Variants in ACBD6 observed in about 807,000 individuals in gnomAD.
ACBD6 encodes the protein acyl-CoA-binding domain-containing protein 6.
Under a neutral mutation model 37.2 loss-of-function variants are expected in ACBD6, and 28 were observed. That is an observed-to-expected ratio of 0.75 (90% CI 0.56 to 1.03). The LOEUF is 1.03. Ranked by LOEUF, ACBD6 falls within the 50% of genes least tolerant of loss-of-function variation. The pLI, the probability that ACBD6 is intolerant of heterozygous loss-of-function variation, is 0.00. For missense variants in ACBD6, 340 were observed against 337.4 expected (o/e 1.01, Z -0.06); for synonymous variants, 113 against 126.8 (o/e 0.89, Z 0.73).
chr1:180,288,060 A>T (rs997695512), downstream of ACBD6, among the ~76,000 whole-genome samples: 1 of 152,204 alleles, frequency 6.6e-6, no homozygotes, highest in South Asian at 2.1e-4. Flanking sequence ...GCCATGTTTA[A>T]TATTGTGAAA....
intron 6 of ACBD6, among the ~76,000 whole-genome samples, chr1:180,331,637 CA>C (rs1651483149): frequency 6.6e-6 from 1 of 152,064 alleles, no homozygotes; most frequent in Non-Finnish European, 1.5e-5. Flanking sequence ...TTGTTTAAAC[CA>C]GGGGGATCTG....
At chr1:180,457,437 G>A (rs1479287822) in intron 3 of ACBD6, among the ~76,000 whole-genome samples, 3 of 152,146 alleles carry the variant, frequency 2.0e-5, no homozygotes, top group Non-Finnish European at 4.4e-5. Flanking sequence ...ATAGTCCTAC[G>A]GGGAGAAACG....
At chr1:180,488,062 C>T (rs1651344496) in intron 3 of ACBD6, among the ~76,000 whole-genome samples, 1 of 152,056 alleles carries the variant, frequency 6.6e-6, no homozygotes, top group African/African-American at 2.4e-5. Context: ...ATGTCTCCAA[C>T]TTATCTCAAA....
At chr1:180,418,335 TG>T (rs1042773018) in intron 4 of ACBD6, among the ~76,000 whole-genome samples, 4 of 151,938 alleles carry the variant, frequency 2.6e-5, no homozygotes, top group African/African-American at 9.7e-5. Flanking sequence ...CCCAGCACTT[TG>T]GGAGGTCAAG....
At chr1:180,300,808 C>A (rs1650102753) in intron 7 of ACBD6, among the ~76,000 whole-genome samples, 1 of 152,164 alleles carries the variant, frequency 6.6e-6, no homozygotes, top group African/African-American at 2.4e-5. Context: ...TATACATTTA[C>A]TCCCAAGTAC....
intron 6 of ACBD6, among the ~76,000 whole-genome samples, chr1:180,363,381 G>A (rs1003160497): frequency 6.6e-6 from 1 of 152,150 alleles, no homozygotes; most frequent in Admixed American, 6.5e-5. Context: ...TGAGCTAAGT[G>A]AAAATGAAAT....
intron 4 of ACBD6, among the ~76,000 whole-genome samples, chr1:180,414,600 G>C (rs951452671): frequency 4.6e-5 from 7 of 152,138 alleles, no homozygotes; most frequent in African/African-American, 1.7e-4. Context: ...CAGATAAAAG[G>C]CTAAGCAAGA....
intron 4 of ACBD6, among the ~76,000 whole-genome samples, chr1:180,423,710 T>G (rs1648466655): frequency 6.6e-6 from 1 of 152,168 alleles, no homozygotes; most frequent in African/African-American, 2.4e-5. Flanking sequence ...AAAATGTATT[T>G]TCACCCCTTA....
At chr1:180,477,605 T>C (rs1464155434) in intron 3 of ACBD6, among the ~76,000 whole-genome samples, 2 of 152,140 alleles carry the variant, frequency 1.3e-5, no homozygotes, top group Non-Finnish European at 2.9e-5. Context: ...AATAATCTCC[T>C]TATAATTTAA....
At chr1:180,300,726 T>C (rs1650097096) in intron 7 of ACBD6, among the ~76,000 whole-genome samples, 1 of 152,168 alleles carries the variant, frequency 6.6e-6, no homozygotes, top group South Asian at 2.1e-4. Context: ...GAATCAGGGA[T>C]AATTTTTATT....
intron 5 of ACBD6, among the ~76,000 whole-genome samples, chr1:180,404,811 G>A (rs1313820303): frequency 1.3e-5 from 2 of 152,072 alleles, no homozygotes; most frequent in Non-Finnish European, 2.9e-5. Flanking sequence ...TGATTAAAAT[G>A]ATACATTTTA....
chr1:180,435,593 A>T lies in ACBD6; in HGVS notation c.385-5331T>A, dbSNP rs141542969. ...TGCAAAGTCCCGAGTAACCCAGAGC[A>T]ACTTTGCAGTTGGCTACAAGACTTA... On this transcript the variant is annotated intron_variant, in intron 3 of 7. Transcript: ENST00000367595. 4.5e-4 allele frequency: 486 copies of T among 1,083,280 alleles called. 2 individuals carry two copies. Among genetic ancestry groups the T allele is most frequent in the Non-Finnish European group, 6.0e-4 (431 of 714,868 alleles). 67.1% of individuals were successfully genotyped at this position (1,083,280 alleles called of 1,614,324 possible).
chr1:180,449,586 T>G (rs1649616805), intron 3 of ACBD6, among the ~76,000 whole-genome samples: 1 of 152,002 alleles, frequency 6.6e-6, no homozygotes, highest in South Asian at 2.1e-4. Context: ...TTTTGTATTT[T>G]CAGTAGCGAC....
intron 7 of ACBD6, among the ~76,000 whole-genome samples, chr1:180,302,224 G>A (rs2149284321): frequency 6.6e-6 from 1 of 152,152 alleles, no homozygotes; most frequent in African/African-American, 2.4e-5. Context: ...GATGGTAAAT[G>A]ATGAAATAGA....
At chr1:180,277,992 T>TATC (rs1467068949) in intron 9 of ACBD6, 2 of 152,184 alleles carry the variant, frequency 1.3e-5, no homozygotes, top group African/African-American at 4.8e-5. Context: ...AAGACATTCC[T>TATC]ATCTCAGAAG....
At position 180,502,185 on chromosome 1, in the gene ACBD6, C is replaced by A; in HGVS notation, c.82G>T (p.Val28Leu). The A allele has an allele frequency of 6.2e-7, 1 of 1,614,100 alleles. No homozygotes were observed. Among genetic ancestry groups the A allele is most frequent in the Non-Finnish European group, 8.5e-7 (1 of 1,180,046 alleles). ...ATCTCAGGGCTATGGGGGAACTCCA[C>A]CTCCCCGGAGTCGTCCCCTGAGCTC... is the stretch of plus-strand genomic sequence containing the variant. ...ELSSGDDSGE[V>L]EFPHSPEIEE... The change falls in exon 1 of 8, where the codon GTG (valine) becomes TTG (leucine). Residue 28 changes from valine to leucine, a missense_variant. Physicochemically the swap from Val to Leu is conservative, Grantham distance 32. Coordinates refer to ENST00000367595, the MANE Select transcript of ACBD6 (RefSeq NM_032360.4).
At chr1:180,293,982 C>T (rs930868199) in intron 7 of ACBD6, among the ~76,000 whole-genome samples, 4 of 152,026 alleles carry the variant, frequency 2.6e-5, no homozygotes, top group African/African-American at 9.7e-5. Flanking sequence ...GAAATCTCCG[C>T]CTCCCGGGTT....
chr1:180,349,701 T>TATTAGTCGTA (rs1652333124), intron 6 of ACBD6, among the ~76,000 whole-genome samples: 1 of 152,136 alleles, frequency 6.6e-6, no homozygotes, highest in African/African-American at 2.4e-5. Flanking sequence ...TCGTATGACC[T>TATTAGTCGTA]TGTTTATTAG....
intron 3 of ACBD6, among the ~76,000 whole-genome samples, chr1:180,482,659 T>G (rs577071207): frequency 9.2e-5 from 14 of 152,054 alleles, no homozygotes; most frequent in Admixed American, 5.9e-4. Flanking sequence ...TAGATGCGAG[T>G]AGAAACGGAG....
Sources: allele counts gnomAD v4.1 joint callset (sites outside exome capture counted in the v4.1 genomes callset), GRCh38; gene constraint gnomAD v4.1.1; transcripts MANE v1.5; gene names NCBI Gene and HGNC (gene_info 2026-07-23, HGNC 2026-07-21).